TLR1: variants seen among roughly 807,000 people sequenced by gnomAD.
TLR1 encodes the protein toll like receptor 1, also known as toll-like receptor 1.
A neutral mutation model predicts 20.2 loss-of-function variants in TLR1; 19 were observed. The observed-to-expected ratio is 0.94, with a 90% CI of 0.66 to 1.38. TLR1 has a LOEUF of 1.38. Ranked by LOEUF, TLR1 falls within the 40% of genes most tolerant of loss-of-function variation. The probability of loss-of-function intolerance (pLI) is 0.00; values close to 1 mark genes in which losing one functional copy is unlikely to be tolerated. For synonymous variants in TLR1, 320 were observed against 334.5 expected, an observed-to-expected ratio of 0.96 and a Z score of 0.47; for missense variants, 921 against 910.0, an observed-to-expected ratio of 1.01 and a Z score of -0.16.
Position 38,797,009 on chromosome 4 carries a change from C to A in TLR1, c.1823G>T (p.Trp608Leu). 1 of 1,614,146 alleles carries A rather than the reference C, an allele frequency of 6.2e-7. No homozygotes were observed. Among genetic ancestry groups the A allele is most frequent in the Non-Finnish European group, 8.5e-7 (1 of 1,180,044 alleles). ...TSLCSYLDLP[W>L]YLRMVCQWTQ... ...CCACTGGCACACCATCCTGAGATACCAGGGCAGATCCAAGTAGCTGCAGAG... is the reference window on the plus strand; with the variant it reads ...CCACTGGCACACCATCCTGAGATACAAGGGCAGATCCAAGTAGCTGCAGAG... Residue 608 changes from tryptophan to leucine, a missense_variant, in exon 4 of 4, where the codon TGG (tryptophan) becomes TTG (leucine). Coordinates refer to ENST00000308979, the MANE Select transcript of TLR1 (RefSeq NM_003263.4).
At chr4:38,791,036 A>T (rs1579191523) in exon 4 of TLR1, 2 of 152,194 alleles carry the variant, frequency 1.3e-5, no homozygotes, top group Admixed American at 1.3e-4. Flanking sequence ...GTGGGTGTTT[A>T]TCTGGGGAAT....
chr4:38,799,962 G>A (rs1368028359), intron 3 of TLR1, among the ~76,000 whole-genome samples: 1 of 152,134 alleles, frequency 6.6e-6, no homozygotes, highest in Non-Finnish European at 1.5e-5. Flanking sequence ...ATAAATGAAT[G>A]ACTAAACTCA....
downstream of TLR1, among the ~76,000 whole-genome samples, chr4:38,789,673 G>A (rs1408089148): frequency 6.6e-6 from 1 of 152,070 alleles, no homozygotes; most frequent in Non-Finnish European, 1.5e-5. Flanking sequence ...ATGTTACCCA[G>A]GTTGGTCTTG....
chr4:38,804,538 G>T (rs1380552151), intron 1 of TLR1, among the ~76,000 whole-genome samples, 156 bp from the exon 2 acceptor site: 1 of 152,162 alleles, frequency 6.6e-6, no homozygotes, highest in African/African-American at 2.4e-5. Flanking sequence ...CACACACGAG[G>T]TGTTATTCCC....
chr4:38,802,469 G>C (rs543042908), intron 2 of TLR1, among the ~76,000 whole-genome samples: 1 of 152,330 alleles, frequency 6.6e-6, no homozygotes, highest in South Asian at 2.1e-4. Context: ...CACAACTTCA[G>C]TAAACACAGT....
downstream of TLR1, among the ~76,000 whole-genome samples, chr4:38,795,860 C>T (rs112861016): frequency 6.6e-6 from 1 of 152,146 alleles, no homozygotes; most frequent in South Asian, 2.1e-4. Context: ...TTTGATTTAT[C>T]TCAAAAAATG....
At chr4:38,795,143 G>T (rs1202210122), downstream of TLR1, among the ~76,000 whole-genome samples, 1 of 152,158 alleles carries the variant, frequency 6.6e-6, no homozygotes, top group African/African-American at 2.4e-5. Context: ...AAGAATAGAA[G>T]AAAGGAGCAT....
At chr4:38,799,046 G>A (rs947560872) in intron 3 of TLR1, 148 bp from the exon 4 acceptor site, 3 of 468,326 alleles carry the variant, frequency 6.4e-6, no homozygotes, top group African/African-American at 4.0e-5. Flanking sequence ...TAAAACTAGA[G>A]AAGTATATAT....
At position 38,797,927 on chromosome 4, in the gene TLR1, A is replaced by G. The variant is rs1021745361; in HGVS notation, c.905T>C (p.Leu302Ser). 4 of 1,614,196 alleles carry G rather than the reference A, an allele frequency of 2.5e-6. No individual in the cohort carries two copies. Among genetic ancestry groups the G allele is most frequent in the Non-Finnish European group, 2.5e-6 (3 of 1,180,024 alleles). ...FDYSGTSLKALSIHQVVSDVF... is the reference protein window; with the variant it reads ...FDYSGTSLKASSIHQVVSDVF... The stretch of plus-strand genomic sequence containing the variant: ...ATCGCTGACAACTTGGTGTATAGAC[A>G]AGGCCTTCAAGGAAGTGCCAGAATA... Residue 302 changes from leucine (L) to serine (S), a missense_variant, in exon 4 of 4, where the codon TTG becomes TCG. Physicochemically the swap from Leu to Ser is moderately radical, Grantham distance 145. Coordinates refer to ENST00000308979, the MANE Select transcript of TLR1 (RefSeq NM_003263.4).
At chr4:38,792,884 T>TATATA (rs1553901961), downstream of TLR1, among the ~76,000 whole-genome samples, 2 of 149,154 alleles carry the variant, frequency 1.3e-5, no homozygotes, top group Admixed American at 6.7e-5. Flanking sequence ...TATCTCCAAA[T>TATATA]TACTTTGCCC....
chr4:38,788,469 C>A (rs148581397), downstream of TLR1, among the ~76,000 whole-genome samples: 51 of 152,240 alleles, frequency 3.3e-4, no homozygotes, highest in African/African-American at 1.2e-3. Flanking sequence ...GACATGTCAG[C>A]TTGAGGAATT....
chr4:38,803,107 C>T (rs1417969804), intron 2 of TLR1, among the ~76,000 whole-genome samples: 3 of 152,174 alleles, frequency 2.0e-5, no homozygotes, highest in African/African-American at 7.2e-5. Context: ...TGGAAGCTGC[C>T]GAACTAAGCA....
At position 38,798,294 on chromosome 4, in the gene TLR1, C is replaced by T. The variant is rs185331480; in HGVS notation, c.538G>A (p.Asp180Asn). Residue 180 changes from aspartate (D) to asparagine (N), a missense_variant, in exon 4 of 4, where the codon GAC becomes AAC. By Grantham distance (23) the Asp-to-Asn change is conservative. Transcript: ENST00000308979. ...TTAAAGTCTTGAAGGCCCTCAGGGT[C>T]TTCTTTTTCCCCATAAGTCTCTCCT... is the stretch of plus-strand genomic sequence containing the variant. Reference protein sequence around the residue: ...VLGETYGEKEDPEGLQDFNTE... With the variant: ...VLGETYGEKENPEGLQDFNTE... 1 of 1,612,526 alleles carries T rather than the reference C, an allele frequency of 6.2e-7. No homozygotes were observed. The highest frequency in any genetic ancestry group is 1.1e-5 in the South Asian group (1 of 90,926).
Position 38,798,587 on chromosome 4 carries a change from T to G in TLR1, c.245A>C (p.Gln82Pro). Residue 82 changes from glutamine (Q) to proline (P), a missense_variant, in exon 4 of 4, where the codon CAG becomes CCG. Transcript: ENST00000308979. ...RILIISHNRI[Q>P]YLDISVFKFN... The stretch of plus-strand genomic sequence containing the variant: ...TTTGAAAACACTGATATCAAGATAC[T>G]GGATTCTATTATGAGAAATTATCAA... The G allele has an allele frequency of 6.2e-7, 1 of 1,614,126 alleles. No individual in the cohort carries two copies. The highest frequency in any genetic ancestry group is 1.1e-5 in the South Asian group (1 of 91,076).
rs1560456302 is a variant in TLR1 at position 38,796,807 on chromosome 4, AG to A, written c.2024del (p.Pro675LeufsTer52). ...QICLHERNFV[P>X]GKSIVENIIT... is the part of the protein sequence containing the mutation. ...TGATATTTTCCACAATGCTCTTGCC[AG>A]GAACAAAGTTTCTCTCATGAAGGCA... On this transcript the variant is annotated frameshift_variant, in exon 4 of 4. Coordinates refer to ENST00000308979, the MANE Select transcript of TLR1 (RefSeq NM_003263.4). LOFTEE classifies it high-confidence loss of function. 6.2e-7 allele frequency: 1 copy of A among 1,614,266 alleles called. No individual in the cohort carries two copies. The highest frequency in any genetic ancestry group is 2.2e-5 in the East Asian group (1 of 44,890).
downstream of TLR1, among the ~76,000 whole-genome samples, chr4:38,792,789 T>G (rs1725785758): frequency 6.6e-6 from 1 of 150,464 alleles, no homozygotes; most frequent in African/African-American, 2.5e-5. Flanking sequence ...CATTTCAACT[T>G]ATTTCCTTAG....
At position 38,798,207 on chromosome 4, in the gene TLR1, A is replaced by T. The variant is rs1261693451; in HGVS notation, c.625T>A (p.Ser209Thr). Reference sequence around the variant, plus strand: ...TCCAGATTTGCTACAGTCTTGACTGACACATCCAAAATAAAATGGAATTCT... The same window carrying T: ...TCCAGATTTGCTACAGTCTTGACTGTCACATCCAAAATAAAATGGAATTCT... ...NKEFHFILDV[S>T]VKTVANLELS... The change falls in exon 4 of 4, where the codon TCA (serine) becomes ACA (threonine). Residue 209 changes from serine to threonine, a missense_variant. Physicochemically the swap from Ser to Thr is moderately conservative, Grantham distance 58. Coordinates refer to ENST00000308979, the MANE Select transcript of TLR1 (RefSeq NM_003263.4). 6.2e-7 allele frequency: 1 copy of T among 1,614,002 alleles called. No homozygotes were observed. Among genetic ancestry groups the T allele is most frequent in the Admixed American group, 1.7e-5 (1 of 60,014 alleles).
In TLR1 at chr4:38,798,315, C is replaced by T. The variant is rs776032912; in HGVS notation, c.517G>A (p.Glu173Lys). 3.1e-6 allele frequency: 5 copies of T among 1,613,752 alleles called. No homozygotes were observed. The East Asian group carries it at 1.1e-4, about 36-fold the overall frequency. ...NISKVLLVLG[E>K]TYGEKEDPEG... ...GGGTCTTCTTTTTCCCCATAAGTCTCTCCTAAGACCAGCAAGACCTTGCTG... is the reference window on the plus strand; with the variant it reads ...GGGTCTTCTTTTTCCCCATAAGTCTTTCCTAAGACCAGCAAGACCTTGCTG... The change falls in exon 4 of 4, where the codon GAG becomes AAG. Residue 173 changes from glutamate to lysine, a missense_variant. Coordinates refer to ENST00000308979, the MANE Select transcript of TLR1 (RefSeq NM_003263.4).
At chr4:38,794,666 A>C (rs1725918412), downstream of TLR1, 1 of 151,402 alleles carries the variant, frequency 6.6e-6, no homozygotes, top group South Asian at 2.1e-4. Flanking sequence ...ATCATTTCTA[A>C]GATTTTTTTT....
Sources: allele counts gnomAD v4.1 joint callset (sites outside exome capture counted in the v4.1 genomes callset), GRCh38; gene constraint gnomAD v4.1.1; transcripts MANE v1.5; gene names NCBI Gene and HGNC (gene_info 2026-07-23, HGNC 2026-07-21).